The following SCHIP1 variants were observed in gnomAD, a reference collection of about 807,000 sequenced individuals.
The protein encoded by SCHIP1 is schwannomin-interacting protein 1.
SCHIP1 carries 8 observed loss-of-function variants against 29.7 expected under a neutral mutation model. The observed-to-expected ratio is 0.27, with a 90% CI of 0.16 to 0.49. SCHIP1 has a LOEUF of 0.49. SCHIP1 is among the 20% of genes least tolerant of loss of function. The pLI is 0.99. For missense variants in SCHIP1, 193 were observed against 294.6 expected (o/e 0.66, Z 2.52); for synonymous variants, 76 against 94.9 (o/e 0.80, Z 1.16).
At chr3:159,679,545 C>T in the SCHIP1 span, among the ~76,000 whole-genome samples, 9 of 152,250 alleles carry the variant, frequency 5.9e-5, no homozygotes, top group Non-Finnish European at 2.9e-5. Context: ...TTGGAGGATC[C>T]GTGTCTGGCC....
At chr3:159,864,156 T>C (rs1398414823) in intron 1 of SCHIP1, among the ~76,000 whole-genome samples, 1 of 152,156 alleles carries the variant, frequency 6.6e-6, no homozygotes, top group East Asian at 1.9e-4. Context: ...CTGGCAGATA[T>C]GGGGATTTGA....
the SCHIP1 span, among the ~76,000 whole-genome samples, chr3:159,682,738 G>A: frequency 2.6e-5 from 4 of 152,192 alleles, no homozygotes; most frequent in East Asian, 5.8e-4. Flanking sequence ...TATTTCTACC[G>A]ACACCTAGAA....
chr3:159,527,052 T>C, the SCHIP1 span, among the ~76,000 whole-genome samples: 4 of 152,206 alleles, frequency 2.6e-5, no homozygotes, highest in African/African-American at 9.6e-5. Context: ...AGTGCTAGGT[T>C]TCTAGTTCTG....
At chr3:159,556,114 A>C in the SCHIP1 span, among the ~76,000 whole-genome samples, 1 of 152,216 alleles carries the variant, frequency 6.6e-6, no homozygotes, top group Non-Finnish European at 1.5e-5. Context: ...AAAGGACATG[A>C]ACAGACACTT....
chr3:159,392,509 C>T, the SCHIP1 span, among the ~76,000 whole-genome samples: 12 of 149,346 alleles, frequency 8.0e-5, no homozygotes, highest in Admixed American at 2.7e-4. Context: ...CTTCCTGCGT[C>T]CATGTGATCT....
the SCHIP1 span, among the ~76,000 whole-genome samples, chr3:159,521,839 G>A: frequency 1.5e-4 from 23 of 152,198 alleles, no homozygotes; most frequent in South Asian, 8.3e-4. Context: ...TGTGAAATAC[G>A]CATAGCCAAA....
chr3:159,497,483 G>A, the SCHIP1 span, among the ~76,000 whole-genome samples: 1 of 151,950 alleles, frequency 6.6e-6, no homozygotes, highest in African/African-American at 2.4e-5. Flanking sequence ...CCCCAAGTAT[G>A]TATTATTATC....
At chr3:159,722,731 T>G in the SCHIP1 span, among the ~76,000 whole-genome samples, 1 of 152,214 alleles carries the variant, frequency 6.6e-6, no homozygotes. Context: ...ACCATATAAA[T>G]AAACAGGTTG....
the SCHIP1 span, chr3:159,387,339 G>T: frequency 2.7e-6 from 1 of 375,012 alleles, no homozygotes; most frequent in South Asian, 2.2e-5. Flanking sequence ...CATTTTTATG[G>T]GCAGGGAGAA....
chr3:159,583,970 C>A, the SCHIP1 span, among the ~76,000 whole-genome samples: 8 of 152,272 alleles, frequency 5.3e-5, no homozygotes, highest in South Asian at 1.5e-3. Context: ...GCCTATAGAT[C>A]AAACTCCAAT....
the SCHIP1 span, among the ~76,000 whole-genome samples, chr3:159,671,564 C>A: frequency 6.6e-6 from 1 of 152,120 alleles, no homozygotes; most frequent in Non-Finnish European, 1.5e-5. Context: ...AGTCAGAAGT[C>A]TTCTCTATGT....
chr3:159,790,057 C>A, the SCHIP1 span, among the ~76,000 whole-genome samples: 17 of 152,242 alleles, frequency 1.1e-4, no homozygotes, highest in South Asian at 4.1e-4. Context: ...TGCCCAAGGC[C>A]CCCCTCTACC....
the SCHIP1 span, among the ~76,000 whole-genome samples, chr3:159,323,244 A>G: frequency 1.3e-5 from 2 of 152,248 alleles, no homozygotes; most frequent in African/African-American, 4.8e-5. Flanking sequence ...TTATATTTAA[A>G]TAGGTAATTA....
the SCHIP1 span, among the ~76,000 whole-genome samples, chr3:159,320,745 A>T: frequency 6.6e-6 from 1 of 152,064 alleles, no homozygotes; most frequent in South Asian, 2.1e-4. Flanking sequence ...AAGGGACAGC[A>T]TGAAACAAGT....
chr3:159,393,097 T>G, the SCHIP1 span, among the ~76,000 whole-genome samples: 3 of 152,264 alleles, frequency 2.0e-5, no homozygotes, highest in Admixed American at 6.5e-5. Flanking sequence ...GTCTTTTGGC[T>G]GCATAAATGT....
At chr3:159,445,648 C>A in the SCHIP1 span, among the ~76,000 whole-genome samples, 113 of 152,166 alleles carry the variant, frequency 7.4e-4, 1 homozygote, top group Admixed American at 3.7e-3. Flanking sequence ...CCATGATAGA[C>A]TGGATTAAGA....
the SCHIP1 span, among the ~76,000 whole-genome samples, chr3:159,326,081 T>C: frequency 4.6e-5 from 7 of 152,156 alleles, no homozygotes; most frequent in Admixed American, 4.6e-4. Context: ...TATTCCCATT[T>C]TAAAGATAAT....
the SCHIP1 span, among the ~76,000 whole-genome samples, chr3:159,603,423 G>A: frequency 3.3e-5 from 5 of 152,068 alleles, no homozygotes; most frequent in Admixed American, 2.0e-4. Context: ...GGTTGGTGGC[G>A]GGGTGAGGCT....
chr3:159,803,999 C>A, the SCHIP1 span, among the ~76,000 whole-genome samples: 2 of 152,182 alleles, frequency 1.3e-5, no homozygotes, highest in Non-Finnish European at 2.9e-5. Context: ...CAAATCCATA[C>A]CCTGCATCAC....
Sources: allele counts gnomAD v4.1 joint callset (sites outside exome capture counted in the v4.1 genomes callset), GRCh38; gene constraint gnomAD v4.1.1; transcripts MANE v1.5; gene names NCBI Gene and HGNC (gene_info 2026-07-23, HGNC 2026-07-21).